The following MYO9A variants were observed in gnomAD, a reference collection of about 807,000 sequenced individuals.
MYO9A encodes the protein myosin IXA.
A neutral mutation model predicts 293.3 loss-of-function variants in MYO9A; 103 were observed. The ratio of observed to expected loss-of-function variants is 0.35; its 90% CI spans 0.30 to 0.41. The LOEUF (loss-of-function observed/expected upper bound fraction) is 0.41, where lower values mean the gene tolerates loss of function less well. Among genes scored for constraint, MYO9A ranks in the 10% least tolerant of loss-of-function variants. MYO9A has a pLI of 1.00. For missense variants in MYO9A, 2,685 were observed against 3,033.0 expected, an observed-to-expected ratio of 0.89 and a Z score of 2.69; for synonymous variants, 1,001 against 1,035.7, an observed-to-expected ratio of 0.97 and a Z score of 0.64.
At chr15:71,991,605 T>C (rs987350364) in intron 10 of MYO9A, among the ~76,000 whole-genome samples, 5 of 152,138 alleles carry the variant, frequency 3.3e-5, no homozygotes, top group Admixed American at 2.6e-4. Flanking sequence ...TCAAGAGAGG[T>C]AGGTTACTCC....
chr15:71,878,833 A>C (rs956175620), intron 30 of MYO9A, among the ~76,000 whole-genome samples: 124 of 137,958 alleles, frequency 9.0e-4, no homozygotes, highest in Admixed American at 2.0e-3. Flanking sequence ...TGCAACCTCC[A>C]CCTCAAGCTA....
At chr15:72,101,214 C>T (rs1235514635) in intron 1 of MYO9A, among the ~76,000 whole-genome samples, 38 of 94,386 alleles carry the variant, frequency 4.0e-4, no homozygotes, top group African/African-American at 1.3e-3. Flanking sequence ...CCCCTCTGCC[C>T]GGCCAGCCGC....
intron 4 of MYO9A, among the ~76,000 whole-genome samples, chr15:72,026,275 G>GAAA (rs35491673): frequency 0.069 from 4,154 of 60,630 alleles, no homozygotes; most frequent in Non-Finnish European, 0.075. Flanking sequence ...TCCGTCTCAA[G>GAAA]AAAAAAAAAA....
At chr15:72,047,288 C>T (rs1477407965) in intron 1 of MYO9A, among the ~76,000 whole-genome samples, 1 of 152,186 alleles carries the variant, frequency 6.6e-6, no homozygotes, top group Non-Finnish European at 1.5e-5. Flanking sequence ...ACTTGCTAGG[C>T]AAATTTAACA....
chr15:72,092,671 T>A (rs1042633745), intron 1 of MYO9A, among the ~76,000 whole-genome samples: 1 of 152,188 alleles, frequency 6.6e-6, no homozygotes, highest in African/African-American at 2.4e-5. Context: ...TGTTGTAGCA[T>A]GAAAACAGCC....
At chr15:71,926,620 C>T (rs1174922359) in intron 18 of MYO9A, among the ~76,000 whole-genome samples, 1 of 152,142 alleles carries the variant, frequency 6.6e-6, no homozygotes, top group East Asian at 1.9e-4. Context: ...GGCACGAGAA[C>T]TGATTGAGCT....
At chr15:71,987,467 A>T (rs1208122824) in intron 11 of MYO9A, among the ~76,000 whole-genome samples, 1 of 152,198 alleles carries the variant, frequency 6.6e-6, no homozygotes, top group African/African-American at 2.4e-5. Context: ...TGCCTAAAAT[A>T]TCTTTTCCCA....
At position 71,897,541 on chromosome 15, in the gene MYO9A, G is replaced by A. The variant is rs758401685; in HGVS notation, c.4962C>T (p.Ser1654=). ...REHFRPTQSY[S]HNSDDLSREG... ...CTCTGGAAAGGTCATCAGAATTGTGGCTGTAAGACTGAGTTGGCCTAAAGT... is the reference window on the plus strand; with the variant it reads ...CTCTGGAAAGGTCATCAGAATTGTGACTGTAAGACTGAGTTGGCCTAAAGT... Residue 1654 remains serine (S), a synonymous_variant, in exon 25 of 42, where the codon AGC becomes AGT. Coordinates refer to ENST00000356056, the MANE Select transcript of MYO9A (RefSeq NM_006901.4). 1 of 1,614,130 alleles carries A rather than the reference G, an allele frequency of 6.2e-7. No homozygotes were observed. Among genetic ancestry groups the A allele is most frequent in the South Asian group, 1.1e-5 (1 of 91,076 alleles).
chr15:72,050,323 T>G (rs1478656196), intron 1 of MYO9A, among the ~76,000 whole-genome samples: 1 of 152,068 alleles, frequency 6.6e-6, no homozygotes, highest in Non-Finnish European at 1.5e-5. Context: ...AAACGTACAT[T>G]ACCAGCCGGG....
chr15:72,053,829 T>TCAAAATTAAAATCAAATAAGA (rs2078641768), intron 1 of MYO9A, among the ~76,000 whole-genome samples: 1 of 152,082 alleles, frequency 6.6e-6, no homozygotes, highest in African/African-American at 2.4e-5. Context: ...TATGTATAAC[T>TCAAAATTAAAATCAAATAAGA]TTTCAACTAG....
chr15:71,890,691 C>T (rs2057150364), intron 26 of MYO9A: 1 of 152,074 alleles, frequency 6.6e-6, no homozygotes, highest in South Asian at 2.1e-4. Flanking sequence ...CACTTGTTTC[C>T]CCTCCCACAG....
chr15:72,014,756 AAGAAAGAAAGAAAG>A (rs554247621), intron 6 of MYO9A, among the ~76,000 whole-genome samples: 1,925 of 151,896 alleles, frequency 0.013, 41 homozygotes, highest in Admixed American at 0.043. Flanking sequence ...AAAGGAAAGA[AAGAAAGAAAGAAAG>A]AGAAAGAAAG....
intron 8 of MYO9A, among the ~76,000 whole-genome samples, chr15:72,006,548 G>A (rs147995926): frequency 6.6e-6 from 1 of 152,282 alleles, no homozygotes; most frequent in African/African-American, 2.4e-5. Context: ...GGGAGGGACT[G>A]AACAGGTAAA....
chr15:72,007,689 A>C, intron 8 of MYO9A, 137 bp downstream of exon 8: 1 of 782,404 alleles, frequency 1.3e-6, no homozygotes, highest in Non-Finnish European at 1.9e-6. Flanking sequence ...ATCTTTTGGA[A>C]ATGCTATTTA....
At chr15:72,052,889 G>C (rs1244169655) in intron 1 of MYO9A, among the ~76,000 whole-genome samples, 1 of 152,168 alleles carries the variant, frequency 6.6e-6, no homozygotes, top group African/African-American at 2.4e-5. Context: ...CTGCCATTCA[G>C]AGTGATCAGA....
intron 1 of MYO9A, among the ~76,000 whole-genome samples, chr15:72,100,315 T>G (rs1426616042): frequency 1.3e-5 from 2 of 152,204 alleles, no homozygotes; most frequent in Admixed American, 6.5e-5. Flanking sequence ...CTATAACAGA[T>G]GTGAAGACTC....
chr15:72,032,020 T>C (rs2077887872), intron 3 of MYO9A, among the ~76,000 whole-genome samples: 1 of 152,052 alleles, frequency 6.6e-6, no homozygotes, highest in South Asian at 2.1e-4. Flanking sequence ...GATTCTCCTG[T>C]CTCAGTTTCC....
intron 11 of MYO9A, among the ~76,000 whole-genome samples, chr15:71,990,367 G>C (rs938802961): frequency 2.0e-5 from 3 of 152,014 alleles, no homozygotes; most frequent in Non-Finnish European, 4.4e-5. Context: ...TTGTCAGCTT[G>C]AGCCACCATG....
intron 39 of MYO9A, among the ~76,000 whole-genome samples, chr15:71,839,881 C>CT (rs2055082701): frequency 6.6e-6 from 1 of 152,120 alleles, no homozygotes; most frequent in Admixed American, 6.5e-5. Context: ...TTAGTATCAA[C>CT]TTGTAAAGAT....
Sources: gnomAD v4.1 joint callset for allele counts (sites outside exome capture counted in the v4.1 genomes callset) on GRCh38, gnomAD v4.1.1 for gene constraint, MANE v1.5 for transcripts, NCBI Gene and HGNC (gene_info 2026-07-23, HGNC 2026-07-21) for gene names.